The following RPH3A variants were observed in gnomAD, a reference collection of about 807,000 sequenced individuals.
RPH3A encodes rabphilin 3A, also known as rabphilin-3A.
RPH3A carries 48 observed loss-of-function variants against 102.2 expected under a neutral mutation model. The ratio of observed to expected loss-of-function variants is 0.47; its 90% CI spans 0.37 to 0.60. The LOEUF (loss-of-function observed/expected upper bound fraction) is 0.60, where lower values mean the gene tolerates loss of function less well. Ranked by LOEUF, RPH3A falls within the 20% of genes least tolerant of loss-of-function variation. The pLI is 0.00. For synonymous variants in RPH3A, 310 were observed against 324.3 expected, an observed-to-expected ratio of 0.96 and a Z score of 0.47; for missense variants, 781 against 910.1, an observed-to-expected ratio of 0.86 and a Z score of 1.83.
chr12:112,746,460 TTAGG>T (rs1248659069), intron 1 of RPH3A, among the ~76,000 whole-genome samples: 2 of 152,012 alleles, frequency 1.3e-5, no homozygotes, highest in Non-Finnish European at 2.9e-5. Flanking sequence ...AACCCAAGCC[TTAGG>T]TGTTGAGGGA....
chr12:112,724,369 T>A (rs1455122450), intron 1 of RPH3A, among the ~76,000 whole-genome samples: 1 of 151,986 alleles, frequency 6.6e-6, no homozygotes, highest in African/African-American at 2.4e-5. Flanking sequence ...CTGGCCAATA[T>A]TTTTTTAATA....
intron 1 of RPH3A, among the ~76,000 whole-genome samples, chr12:112,603,468 C>A (rs2039572427): frequency 6.6e-6 from 1 of 151,936 alleles, no homozygotes; most frequent in African/African-American, 2.4e-5. Flanking sequence ...TAGGGCGTTC[C>A]TGAAAGTAAG....
intron 2 of RPH3A, among the ~76,000 whole-genome samples, chr12:112,801,874 G>A (rs2041360474): frequency 6.6e-6 from 1 of 152,052 alleles, no homozygotes; most frequent in South Asian, 2.1e-4. Context: ...CTTCAAAACA[G>A]TATTTTTATA....
chr12:112,603,384 T>C (rs1283117340), intron 1 of RPH3A, among the ~76,000 whole-genome samples: 1 of 151,850 alleles, frequency 6.6e-6, no homozygotes, highest in Non-Finnish European at 1.5e-5. Flanking sequence ...TCTGGGTGAG[T>C]CCACAGTGCA....
At chr12:112,849,837 G>A (rs1158672114) in intron 5 of RPH3A, among the ~76,000 whole-genome samples, 3 of 152,198 alleles carry the variant, frequency 2.0e-5, no homozygotes, top group African/African-American at 7.2e-5. Flanking sequence ...AATTCCCAGG[G>A]AAAGTACTCT....
intron 1 of RPH3A, among the ~76,000 whole-genome samples, chr12:112,599,182 G>A (rs1429578269): frequency 6.6e-6 from 1 of 152,162 alleles, no homozygotes; most frequent in Admixed American, 6.5e-5. Context: ...GCAAGACCAA[G>A]TTAACTTTCG....
chr12:112,654,249 C>T (rs1211594918), intron 1 of RPH3A, among the ~76,000 whole-genome samples: 1 of 152,168 alleles, frequency 6.6e-6, no homozygotes, highest in Non-Finnish European at 1.5e-5. Flanking sequence ...TGAACATTCC[C>T]CTCTATTAAT....
chr12:112,722,742 T>C (rs527767770), intron 1 of RPH3A, among the ~76,000 whole-genome samples: 24 of 152,344 alleles, frequency 1.6e-4, no homozygotes, highest in South Asian at 1.5e-3. Flanking sequence ...AGCTATGTTG[T>C]CACCATGAAG....
intron 1 of RPH3A, among the ~76,000 whole-genome samples, chr12:112,733,326 C>G (rs1405693841): frequency 1.3e-5 from 2 of 152,286 alleles, no homozygotes; most frequent in South Asian, 2.1e-4. Context: ...CACACATACA[C>G]CAGCATCACA....
At chr12:112,672,976 C>T (rs999084876) in intron 1 of RPH3A, among the ~76,000 whole-genome samples, 2 of 152,060 alleles carry the variant, frequency 1.3e-5, no homozygotes, top group Admixed American at 6.6e-5. Flanking sequence ...AACTTACCTT[C>T]CCCCTGCTTG....
intron 4 of RPH3A, 141 bp from the exon 5 acceptor site, chr12:112,847,555 G>C: frequency 1.1e-6 from 1 of 879,172 alleles, no homozygotes; most frequent in Non-Finnish European, 1.8e-6. Context: ...AAGTATGTGT[G>C]TCCCATTGCA....
At chr12:112,800,576 G>A (rs996722342) in intron 2 of RPH3A, among the ~76,000 whole-genome samples, 6 of 152,272 alleles carry the variant, frequency 3.9e-5, no homozygotes, top group African/African-American at 1.4e-4. Flanking sequence ...AGTGGAGAGG[G>A]GAGTGCAGGA....
intron 1 of RPH3A, among the ~76,000 whole-genome samples, chr12:112,656,828 C>T (rs943456646): frequency 1.3e-5 from 2 of 151,770 alleles, no homozygotes; most frequent in African/African-American, 4.8e-5. Flanking sequence ...TATATCTCCA[C>T]ATTTTCTTTA....
chr12:112,598,463 AT>A (rs1442910741), intron 1 of RPH3A, among the ~76,000 whole-genome samples: 4 of 152,190 alleles, frequency 2.6e-5, no homozygotes, highest in African/African-American at 9.6e-5. Context: ...CTGGTTTTCA[AT>A]GGAATCAATA....
At position 112,627,493 on chromosome 12, in the gene RPH3A, T is replaced by C. The variant is rs75350628; in HGVS notation, c.-140+52174T>C. 7.8e-3 allele frequency among the ~76,000 whole-genome samples: 1,183 copies of C among 151,194 alleles called. 12 individuals are homozygous for C. The highest frequency in any genetic ancestry group is 0.027 in the African/African-American group (1,125 of 41,316). Reference sequence around the variant, plus strand: ...GGTATAATATACATTATATAATACATAGTGTTATATATTGTGTCAATACTC... The same window carrying C: ...GGTATAATATACATTATATAATACACAGTGTTATATATTGTGTCAATACTC... On this transcript the variant is annotated intron_variant, in intron 1 of 21. Transcript: ENST00000543106.
rs1383660010 is a variant in RPH3A at position 112,859,041 on chromosome 12, C to A, written c.231-6373C>A. Among the ~76,000 whole-genome samples, 3 of 152,138 alleles carry A rather than the reference C, an allele frequency of 2.0e-5. No homozygotes were observed. The East Asian group carries it at 5.8e-4, about 29-fold the overall frequency. ...AGTGTCAGCCACTTACAGGGTTCAG[C>A]TAATTGGGCACTTAATGTGAGAGAA... On this transcript the variant is annotated intron_variant, in intron 5 of 21. Transcript: ENST00000389385.
At chr12:112,792,074 G>A (rs1565882675) in intron 1 of RPH3A, 62 bp downstream of exon 1, 2 of 152,118 alleles carry the variant, frequency 1.3e-5, no homozygotes, top group Non-Finnish European at 2.9e-5. Flanking sequence ...GTGTGTCTAC[G>A]TGTGTGCACT....
chr12:112,651,827 T>G (rs1328594455), intron 1 of RPH3A: 2 of 152,230 alleles, frequency 1.3e-5, no homozygotes, highest in Non-Finnish European at 2.9e-5. Context: ...ACATACCTCA[T>G]GTAAGTGGAA....
At chr12:112,803,304 A>T (rs2041390135) in intron 2 of RPH3A, among the ~76,000 whole-genome samples, 1 of 151,830 alleles carries the variant, frequency 6.6e-6, no homozygotes, top group African/African-American at 2.4e-5. Context: ...CTGATAATTC[A>T]TCCTCTCCCT....
Sources: allele counts gnomAD v4.1 joint callset (sites outside exome capture counted in the v4.1 genomes callset), GRCh38; gene constraint gnomAD v4.1.1; transcripts MANE v1.5; gene names NCBI Gene and HGNC (gene_info 2026-07-23, HGNC 2026-07-21).